Variants in POU2F1 observed in about 807,000 individuals in gnomAD.
POU2F1 encodes POU class 2 homeobox 1, also known as POU domain, class 2, transcription factor 1.
A neutral mutation model predicts 84.9 loss-of-function variants in POU2F1; 16 were observed. The ratio of observed to expected loss-of-function variants is 0.19; its 90% CI spans 0.13 to 0.29. POU2F1 has a LOEUF of 0.29. Ranked by LOEUF, POU2F1 falls within the 10% of genes least tolerant of loss-of-function variation. The pLI is 1.00. For missense variants in POU2F1, 738 were observed against 942.6 expected, an observed-to-expected ratio of 0.78 and a Z score of 2.84; for synonymous variants, 368 against 368.3, an observed-to-expected ratio of 1.00 and a Z score of 0.01.
intron 1 of POU2F1, among the ~76,000 whole-genome samples, chr1:167,260,597 G>T (rs1356185372): frequency 1.3e-5 from 2 of 152,156 alleles, no homozygotes; most frequent in African/African-American, 4.8e-5. Context: ...AACATGATTT[G>T]TTGAATTTTT....
At chr1:167,396,686 A>AACACACACAC (rs34119749) in intron 10 of POU2F1, 2 of 325,346 alleles carry the variant, frequency 6.1e-6, no homozygotes, top group East Asian at 5.7e-5. Context: ...CAGGATTAGG[A>AACACACACAC]ACACACACAC....
At chr1:167,405,378 TA>T (rs113014888) in intron 13 of POU2F1, among the ~76,000 whole-genome samples, 541 of 145,230 alleles carry the variant, frequency 3.7e-3, no homozygotes, top group Non-Finnish European at 5.6e-3. Flanking sequence ...TGAGCCACGT[TA>T]AAAAAAAAAA....
At chr1:167,332,416 C>A in intron 1 of POU2F1, 54 bp from the exon 2 acceptor site, 1 of 1,424,886 alleles carries the variant, frequency 7.0e-7, no homozygotes, top group African/African-American at 1.4e-5. Context: ...CCTCCTCAAT[C>A]CCATCTCCAT....
intron 1 of POU2F1, among the ~76,000 whole-genome samples, chr1:167,248,607 A>G (rs1273124119): frequency 6.6e-6 from 1 of 152,168 alleles, no homozygotes; most frequent in Non-Finnish European, 1.5e-5. Flanking sequence ...AGGGAGAGGA[A>G]GAGTCAAGAA....
intron 2 of POU2F1, among the ~76,000 whole-genome samples, chr1:167,340,537 T>A (rs1657778192): frequency 6.6e-6 from 1 of 150,614 alleles, no homozygotes; most frequent in African/African-American, 2.5e-5. Context: ...ATTCATGAAG[T>A]TCTCCCGCCT....
At chr1:167,340,477 G>A (rs1196931303) in intron 2 of POU2F1, among the ~76,000 whole-genome samples, 7 of 143,718 alleles carry the variant, frequency 4.9e-5, no homozygotes, top group Admixed American at 1.4e-4. Flanking sequence ...TGTTGCCCAG[G>A]CTGGAGTGTA....
chr1:167,421,762 TAAATA>T lies in POU2F1; in HGVS notation c.*5954_*5958del, dbSNP rs1410420708. The T allele has an allele frequency of 2.6e-5, 4 of 152,150 alleles. No individual in the cohort carries two copies. The highest frequency in any genetic ancestry group is 5.9e-5 in the Non-Finnish European group (4 of 68,018). The allele number at this position is 152,150 out of a possible 1,614,324, so 9.4% of individuals were successfully genotyped here. A position where few individuals can be genotyped will look rare whatever the true frequency, so the allele number is the denominator to read the frequency against. On this transcript the variant is annotated 3_prime_UTR_variant, in exon 16 of 16. Transcript: ENST00000367866. ...AACTGGTTTTAAACTAAAAACCAAA[TAAATA>T]AGTGAAAAAATTTTATAAATAGTGG...
At position 167,299,618 on chromosome 1, in the gene POU2F1, C is replaced by T. The variant is rs559157472; in HGVS notation, c.62-32852C>T. Among the ~76,000 whole-genome samples, 10 of 151,650 alleles carry T rather than the reference C, an allele frequency of 6.6e-5. No individual in the cohort carries two copies. In the East Asian group the frequency reaches 1.5e-3, roughly 23 times the overall value. On this transcript the variant is annotated intron_variant, in intron 1 of 15. Coordinates refer to ENST00000367866, the MANE Select transcript of POU2F1 (RefSeq NM_002697.4). ...TTTACATGTGTAGGAATGACAGACA[C>T]ACTGAACTACTGTTTATCTCTGCAT...
chr1:167,291,350 T>C (rs1371628891), intron 1 of POU2F1, among the ~76,000 whole-genome samples: 1 of 152,220 alleles, frequency 6.6e-6, no homozygotes, highest in Non-Finnish European at 1.5e-5. Flanking sequence ...TATGTTAGAT[T>C]TGATTCTAAA....
intron 1 of POU2F1, among the ~76,000 whole-genome samples, chr1:167,237,766 A>ATTTTTTTTTT (rs1649593291): frequency 1.7e-5 from 1 of 58,034 alleles, no homozygotes; most frequent in African/African-American, 5.9e-5. Flanking sequence ...ATATATATAT[A>ATTTTTTTTTT]TATATATTTT....
chr1:167,408,930 T>G (rs1265763647), intron 13 of POU2F1, among the ~76,000 whole-genome samples: 1 of 152,264 alleles, frequency 6.6e-6, no homozygotes, highest in African/African-American at 2.4e-5. Context: ...TAAGAATTGT[T>G]TATACATTCT....
Position 167,389,706 on chromosome 1 carries a change from T to C in POU2F1, c.932T>C (p.Leu311Pro). ...GAGGAGCCCAGTGACCTTGAGGAGC[T>C]TGAGCAGTTTGCCAAGACCTTCAAA... ...SLEEPSDLEE[L>P]EQFAKTFKQR... The change falls in exon 9 of 16, where the codon CTT becomes CCT. Residue 311 changes from leucine to proline, a missense_variant. Coordinates refer to ENST00000367866, the MANE Select transcript of POU2F1 (RefSeq NM_002697.4). 6.2e-7 allele frequency: 1 copy of C among 1,614,096 alleles called. No individual in the cohort carries two copies. Among genetic ancestry groups the C allele is most frequent in the Non-Finnish European group, 8.5e-7 (1 of 1,179,998 alleles).
At chr1:167,316,219 A>G (rs1425972377) in intron 1 of POU2F1, among the ~76,000 whole-genome samples, 1 of 152,248 alleles carries the variant, frequency 6.6e-6, no homozygotes. Flanking sequence ...TTATATCAAG[A>G]GCAATTGTTT....
chr1:167,381,087 T>C (rs1022490836), intron 7 of POU2F1: 2 of 151,614 alleles, frequency 1.3e-5, no homozygotes, highest in South Asian at 2.1e-4. Flanking sequence ...CGTTTTTTTT[T>C]TGTTGTTGTT....
chr1:167,312,303 C>T (rs1280960526), intron 1 of POU2F1, among the ~76,000 whole-genome samples: 1 of 151,158 alleles, frequency 6.6e-6, no homozygotes, highest in Non-Finnish European at 1.5e-5. Flanking sequence ...GGCACGATCT[C>T]AGCTCACCGC....
chr1:167,388,417 G>A (rs374485057), intron 8 of POU2F1, among the ~76,000 whole-genome samples: 1 of 152,076 alleles, frequency 6.6e-6, no homozygotes, highest in East Asian at 1.9e-4. Context: ...TACCAGAAAA[G>A]CCCTTGAGAA....
At chr1:167,321,077 T>TAAAA (rs948444200) in intron 1 of POU2F1, among the ~76,000 whole-genome samples, 14 of 152,228 alleles carry the variant, frequency 9.2e-5, no homozygotes, top group Non-Finnish European at 2.1e-4. Flanking sequence ...TCAGGAGCTA[T>TAAAA]AATTAAACCA....
chr1:167,301,844 C>A (rs1654722942), intron 1 of POU2F1, among the ~76,000 whole-genome samples: 1 of 151,824 alleles, frequency 6.6e-6, no homozygotes, highest in East Asian at 1.9e-4. Context: ...TTAGGTATTT[C>A]TTCTTGTAAT....
intron 1 of POU2F1, among the ~76,000 whole-genome samples, chr1:167,323,989 A>G (rs1413169591): frequency 6.6e-6 from 1 of 152,184 alleles, no homozygotes; most frequent in East Asian, 1.9e-4. Context: ...CACCGCACCC[A>G]GCCTAATTAC....
Sources: allele counts gnomAD v4.1 joint callset (sites outside exome capture counted in the v4.1 genomes callset), GRCh38; gene constraint gnomAD v4.1.1; transcripts MANE v1.5; gene names NCBI Gene and HGNC (gene_info 2026-07-23, HGNC 2026-07-21).